The following PTTG1 variants were observed in gnomAD, a reference collection of about 807,000 sequenced individuals.
The protein encoded by PTTG1 is PTTG1 regulator of sister chromatid separation, securin, also known as securin.
In PTTG1, 8 loss-of-function variants were observed where a neutral mutation model predicts 20.0. That is an observed-to-expected ratio of 0.40 (90% CI 0.23 to 0.72). PTTG1 has a LOEUF of 0.72. Ranked by LOEUF, PTTG1 falls within the 30% of genes least tolerant of loss-of-function variation. The pLI is 0.38. For synonymous variants in PTTG1, 79 were observed against 87.2 expected (o/e 0.91, Z 0.52); for missense variants, 197 against 236.0 (o/e 0.83, Z 1.08).
intron 2 of PTTG1, 105 bp downstream of exon 2, chr5:160,422,508 T>G: frequency 9.4e-7 from 1 of 1,062,720 alleles, no homozygotes; most frequent in Non-Finnish European, 1.4e-6. Flanking sequence ...CGTTTGTTAT[T>G]GGTCCTTTTT....
chr5:160,427,311 G>C (rs908356242), intron 4 of PTTG1, among the ~76,000 whole-genome samples: 1 of 152,190 alleles, frequency 6.6e-6, no homozygotes, highest in Non-Finnish European at 1.5e-5. Flanking sequence ...TTGGTGTACA[G>C]TGGAAGTGCT....
intron 3 of PTTG1, among the ~76,000 whole-genome samples, chr5:160,423,323 G>T (rs1483606383): frequency 6.6e-6 from 1 of 152,214 alleles, no homozygotes; most frequent in African/African-American, 2.4e-5. Flanking sequence ...TCCAGGGCAA[G>T]CAGCAGCTTG....
At chr5:160,422,269 C>T (rs1410965137) in intron 1 of PTTG1, 33 bp from the exon 2 acceptor site, 35 of 1,520,770 alleles carry the variant, frequency 2.3e-5, no homozygotes, top group Non-Finnish European at 3.1e-5. Context: ...CTCCCACCTT[C>T]CCCAATATCT....
At chr5:160,425,951 T>G (rs1018620260) in intron 4 of PTTG1, among the ~76,000 whole-genome samples, 1 of 152,218 alleles carries the variant, frequency 6.6e-6, no homozygotes, top group Non-Finnish European at 1.5e-5. Context: ...AATTCAGTGT[T>G]AAATCCTACT....
At chr5:160,426,486 A>G (rs530110483) in intron 4 of PTTG1, among the ~76,000 whole-genome samples, 20 of 152,334 alleles carry the variant, frequency 1.3e-4, no homozygotes, top group East Asian at 1.9e-4. Context: ...TAAAATTGCA[A>G]TGTGGAATCT....
rs759637075 is a variant in PTTG1, at chr5:160,424,327, C to T, written c.367C>T (p.Leu123=). ...EIEKFFPFNP[L]DFESFDLPEE... ...AGAAAAATTCTTTCCCTTCAATCCT[C>T]TAGGTAGTATCTTTTGCAATTGCGA... The change falls in exon 4 of 6, where the codon CTA becomes TTA. Residue 123 remains leucine (L), a synonymous_variant. Coordinates refer to ENST00000352433, the MANE Select transcript of PTTG1 (RefSeq NM_004219.4). 9.4e-6 allele frequency: 15 copies of T among 1,591,244 alleles called. No individual in the cohort carries two copies. The Admixed American group carries it at 2.5e-4, about 27-fold the overall frequency.
At position 160,422,235 on chromosome 5, in the gene PTTG1, T is replaced by C. The variant is rs1216529622; in HGVS notation, c.-11-67T>C. On this transcript the variant is annotated intron_variant, in intron 1 of 5. Transcript: ENST00000352433. ...GTGGACACTCCTAGGATAGAAAGTT[T>C]GGTATGTTGCTATACCTTTGCTTCT... The C allele has an allele frequency of 5.2e-6, 6 of 1,152,906 alleles. No homozygotes were observed. The East Asian group carries it at 1.2e-4, about 23-fold the overall frequency. 71.4% of individuals were successfully genotyped at this position (1,152,906 alleles called of 1,614,324 possible). A position where few individuals can be genotyped will look rare whatever the true frequency, so the allele number is the denominator to read the frequency against.
At chr5:160,424,383 T>C (rs1765772055) in intron 4 of PTTG1, 53 bp downstream of exon 4, 1 of 1,279,652 alleles carries the variant, frequency 7.8e-7, no homozygotes. Context: ...TTTCTTAGTA[T>C]TCAGCTCAGC....
At chr5:160,428,359 T>A (rs915177445) in intron 5 of PTTG1, among the ~76,000 whole-genome samples, 4 of 152,246 alleles carry the variant, frequency 2.6e-5, no homozygotes, top group African/African-American at 9.6e-5. Flanking sequence ...TTAGTGAGAC[T>A]GTTAACTCTT....
intron 4 of PTTG1, 113 bp downstream of exon 4, chr5:160,424,443 T>G: frequency 1.3e-6 from 1 of 763,040 alleles, no homozygotes; most frequent in Non-Finnish European, 2.1e-6. Context: ...GATGAGACTG[T>G]CTGAATCTGG....
chr5:160,426,289 TTTGC>T lies in PTTG1; in HGVS notation c.371-1423_371-1420del, dbSNP rs1765808147. Among the ~76,000 whole-genome samples the T allele has an allele frequency of 2.6e-5, 4 of 152,216 alleles. No homozygotes were observed. In the East Asian group the frequency reaches 7.7e-4, roughly 29 times the overall value. ...ATGGCATGGTTTATATTTTTGAAAA[TTTGC>T]TTTATTTGGCTTAATACAAGACAAC... On this transcript the variant is annotated intron_variant, in intron 4 of 5. Transcript: ENST00000352433.
intron 3 of PTTG1, 25 bp downstream of exon 3, chr5:160,422,918 G>A: frequency 1.2e-6 from 2 of 1,609,586 alleles, no homozygotes; most frequent in Non-Finnish European, 1.7e-6. Flanking sequence ...TAAAGACACT[G>A]TTTAAACACT....
intron 3 of PTTG1, 144 bp downstream of exon 3, chr5:160,423,037 A>G: frequency 1.2e-6 from 1 of 809,984 alleles, no homozygotes; most frequent in South Asian, 1.8e-5. Context: ...GAGGAGACTC[A>G]GATTGTCCTT....
At chr5:160,423,086 G>A in intron 3 of PTTG1, 193 bp downstream of exon 3, 1 of 621,764 alleles carries the variant, frequency 1.6e-6, no homozygotes, top group Non-Finnish European at 2.8e-6. Flanking sequence ...AATCTCAGAT[G>A]CAGCTAATGC....
In PTTG1 at chr5:160,428,503, G is replaced by A. The variant is rs1765850769; in HGVS notation, c.530-99G>A. 1.7e-5 allele frequency: 19 copies of A among 1,103,560 alleles called. No homozygotes were observed. In the East Asian group the frequency reaches 4.5e-4, roughly 26 times the overall value. The allele number at this position is 1,103,560 out of a possible 1,614,324, so 68.4% of individuals were successfully genotyped here. ...ATGCAGGTGATTGATTTGACAAAGGGAAAAACATGAATTTTTGATTGACAG... is the reference window on the plus strand; with the variant it reads ...ATGCAGGTGATTGATTTGACAAAGGAAAAAACATGAATTTTTGATTGACAG... On this transcript the variant is annotated intron_variant, in intron 5 of 5. Coordinates refer to ENST00000352433, the MANE Select transcript of PTTG1 (RefSeq NM_004219.4).
rs1581083778 is a variant in PTTG1, at chr5:160,422,082, C to T, written c.-12+191C>T. 3 of 465,412 alleles carry T rather than the reference C, an allele frequency of 6.4e-6. No individual in the cohort carries two copies. The East Asian group carries it at 1.2e-4, about 18-fold the overall frequency. The allele number at this position is 465,412 out of a possible 1,614,324, so 28.8% of individuals were successfully genotyped here. On this transcript the variant is annotated intron_variant, in intron 1 of 5. Transcript: ENST00000352433. ...ACCAACGGCAACTGTCTGATGAGTG[C>T]CAGCCCCAAACCGCGCGCTGCTCGG...
rs756251779 is a variant in PTTG1 at position 160,422,367 on chromosome 5, G to T, written c.55G>T (p.Val19Phe). 6.2e-7 allele frequency: 1 copy of T among 1,613,950 alleles called. No individual in the cohort carries two copies. Among genetic ancestry groups the T allele is most frequent in the Non-Finnish European group, 8.5e-7 (1 of 1,180,008 alleles). The change falls in exon 2 of 6, where the codon GTT becomes TTT. Residue 19 changes from valine to phenylalanine, a missense_variant. Physicochemically the swap from Val to Phe is conservative, Grantham distance 50 (BLOSUM62 -1). Transcript: ENST00000352433. ...AAATGGAGAACCAGGCACCCGTGTGGTTGCTAAGGATGGGCTGAAGCTGGG... is the reference window on the plus strand; with the variant it reads ...AAATGGAGAACCAGGCACCCGTGTGTTTGCTAAGGATGGGCTGAAGCTGGG... The part of the protein sequence containing the change: ...KENGEPGTRV[V>F]AKDGLKLGSG...
intron 4 of PTTG1, 168 bp downstream of exon 4, chr5:160,424,498 T>C (rs560733878): frequency 7.0e-4 from 399 of 573,468 alleles, no homozygotes; most frequent in Middle Eastern, 3.4e-3. Flanking sequence ...ATTTGCAAGG[T>C]ATCATCTTAG....
rs370201016 is a variant in PTTG1 at position 160,426,356 on chromosome 5, G to C, written c.371-1359G>C. Among the ~76,000 whole-genome samples the C allele has an allele frequency of 5.9e-5, 9 of 152,266 alleles. No individual in the cohort carries two copies. The East Asian group carries it at 1.3e-3, about 23-fold the overall frequency. ...AAATTCTATATTCACTCTTACATCT[G>C]TTAAAATATACGAAGAAAACCTGGC... is the stretch of plus-strand genomic sequence containing the variant. On this transcript the variant is annotated intron_variant, in intron 4 of 5. Coordinates refer to ENST00000352433, the MANE Select transcript of PTTG1 (RefSeq NM_004219.4).
Sources: gnomAD v4.1 joint callset for allele counts (sites outside exome capture counted in the v4.1 genomes callset) on GRCh38, gnomAD v4.1.1 for gene constraint, MANE v1.5 for transcripts, NCBI Gene and HGNC (gene_info 2026-07-23, HGNC 2026-07-21) for gene names.